Variants in CRYZL1 observed in about 807,000 individuals in gnomAD.
CRYZL1 encodes the protein crystallin zeta like 1, also known as ferry endosomal RAB5 effector complex subunit 4.
CRYZL1 carries 34 observed loss-of-function variants against 50.6 expected under a neutral mutation model. The observed-to-expected ratio is 0.67, with a 90% CI of 0.51 to 0.89. The LOEUF (loss-of-function observed/expected upper bound fraction) is 0.89. CRYZL1 is among the 40% of genes least tolerant of loss of function. CRYZL1 has a pLI of 0.00. For synonymous variants in CRYZL1, 125 were observed against 134.3 expected (o/e 0.93, Z 0.48); for missense variants, 354 against 402.3 (o/e 0.88, Z 1.03).
chr21:33,618,811 C>G (rs1293658645), intron 4 of CRYZL1, among the ~76,000 whole-genome samples: 3 of 152,122 alleles, frequency 2.0e-5, no homozygotes, highest in African/African-American at 2.4e-5. Context: ...CACTCTGACT[C>G]TTTTTTTCTT....
chr21:33,629,485 A>T (rs1484954595), intron 2 of CRYZL1, among the ~76,000 whole-genome samples: 2 of 151,702 alleles, frequency 1.3e-5, no homozygotes, highest in African/African-American at 4.8e-5. Flanking sequence ...CTGGTCTTGA[A>T]CTCTTGAGCT....
chr21:33,625,690 C>T (rs2087053853), intron 2 of CRYZL1, among the ~76,000 whole-genome samples: 1 of 151,718 alleles, frequency 6.6e-6, no homozygotes, highest in Admixed American at 6.6e-5. Flanking sequence ...TGCTATGTTG[C>T]CCAGGCTGGT....
intron 2 of CRYZL1, among the ~76,000 whole-genome samples, chr21:33,627,686 T>C (rs2087083284): frequency 6.6e-6 from 1 of 151,628 alleles, no homozygotes; most frequent in South Asian, 2.1e-4. Context: ...CTCTCTGAAA[T>C]GTGTATGGAA....
intron 4 of CRYZL1, among the ~76,000 whole-genome samples, chr21:33,620,752 T>A (rs1216668442): frequency 6.6e-6 from 1 of 151,572 alleles, no homozygotes; most frequent in East Asian, 1.9e-4. Flanking sequence ...GAGGTTGCAG[T>A]GGAGCAGACA....
At chr21:33,619,572 T>G (rs2086971847) in intron 4 of CRYZL1, among the ~76,000 whole-genome samples, 1 of 152,162 alleles carries the variant, frequency 6.6e-6, no homozygotes. Flanking sequence ...CTTTTTCTTT[T>G]TTTTCTTTTG....
chr21:33,600,296 CAG>C (rs2086737733), intron 8 of CRYZL1, among the ~76,000 whole-genome samples: 1 of 152,146 alleles, frequency 6.6e-6, no homozygotes, highest in African/African-American at 2.4e-5. Flanking sequence ...AAAAATTAAA[CAG>C]ATTTTAATTG....
intron 2 of CRYZL1, among the ~76,000 whole-genome samples, chr21:33,631,213 C>A (rs1164445087): frequency 2.6e-5 from 4 of 152,194 alleles, no homozygotes; most frequent in Non-Finnish European, 4.4e-5. Flanking sequence ...TTGATCATTA[C>A]ATAATTTATA....
At chr21:33,592,435 C>T (rs923859338) in intron 11 of CRYZL1, among the ~76,000 whole-genome samples, 1 of 152,132 alleles carries the variant, frequency 6.6e-6, no homozygotes, top group African/African-American at 2.4e-5. Flanking sequence ...CTGCCCCCAG[C>T]CTCCAAATAT....
chr21:33,636,837 C>G (rs2087212024), intron 1 of CRYZL1, among the ~76,000 whole-genome samples: 1 of 152,158 alleles, frequency 6.6e-6, no homozygotes, highest in African/African-American at 2.4e-5. Flanking sequence ...TAGACAGTTT[C>G]ACTCTGTCGC....
At position 33,631,480 on chromosome 21, in the gene CRYZL1, T is replaced by C; in HGVS notation, c.66+6A>G. On this transcript the variant is annotated splice_donor_region_variant and intron_variant, in intron 2 of 12. Transcript: ENST00000381554. ...ACTACTTTAATGATTAAACATTTTT[T>C]CTTACCTTTTCTTGAAATACAAATG... is the stretch of plus-strand genomic sequence containing the variant. 1 of 1,508,974 alleles carries C rather than the reference T, an allele frequency of 6.6e-7. No individual in the cohort carries two copies. Among genetic ancestry groups the C allele is most frequent in the Non-Finnish European group, 8.9e-7 (1 of 1,129,626 alleles). 93.5% of individuals were successfully genotyped at this position (1,508,974 alleles called of 1,614,324 possible).
chr21:33,641,049 G>A (rs2087304993), intron 1 of CRYZL1: 1 of 1,338,530 alleles, frequency 7.5e-7, no homozygotes, highest in Non-Finnish European at 9.6e-7. Context: ...TAAGGGACTC[G>A]CATTATATTT....
In CRYZL1 at chr21:33,589,687, T is replaced by C; in HGVS notation, c.*135A>G. 1.6e-6 allele frequency: 1 copy of C among 626,830 alleles called. No homozygotes were observed. Among genetic ancestry groups the C allele is most frequent in the South Asian group, 2.0e-5 (1 of 50,546 alleles). The allele number at this position is 626,830 out of a possible 1,614,324, so 38.8% of individuals were successfully genotyped here. ...TTTCAAATGTGTCAACTGAGCATCTTGTCTTAGCAGAGAAACGTGCTTAAA... is the reference window on the plus strand; with the variant it reads ...TTTCAAATGTGTCAACTGAGCATCTCGTCTTAGCAGAGAAACGTGCTTAAA... On this transcript the variant is annotated 3_prime_UTR_variant, in exon 13 of 13. Transcript: ENST00000381554.
intron 10 of CRYZL1, among the ~76,000 whole-genome samples, chr21:33,596,666 T>A (rs541692722): frequency 7.3e-5 from 11 of 151,496 alleles, no homozygotes; most frequent in South Asian, 2.1e-4. Flanking sequence ...AAAAATAAAA[T>A]AAAATAAATT....
intron 11 of CRYZL1, chr21:33,594,437 G>GC (rs1282085834): frequency 2.0e-5 from 3 of 151,888 alleles, no homozygotes; most frequent in Non-Finnish European, 2.9e-5. Context: ...TGGGATTACA[G>GC]GCATGAGCCA....
chr21:33,596,858 G>T (rs1430465555), intron 10 of CRYZL1, among the ~76,000 whole-genome samples: 5 of 150,512 alleles, frequency 3.3e-5, no homozygotes, highest in African/African-American at 1.2e-4. Context: ...TTATTTTTCA[G>T]ATTTTTTTCT....
At chr21:33,593,459 C>T (rs2086663173) in intron 11 of CRYZL1, among the ~76,000 whole-genome samples, 1 of 152,146 alleles carries the variant, frequency 6.6e-6, no homozygotes, top group Non-Finnish European at 1.5e-5. Flanking sequence ...ATTCACATCC[C>T]TGCAAGTTCC....
At chr21:33,596,010 G>C in intron 10 of CRYZL1, 174 bp from the exon 11 acceptor site, 1 of 623,454 alleles carries the variant, frequency 1.6e-6, no homozygotes, top group Non-Finnish European at 2.9e-6. Flanking sequence ...GGTCCAAAAT[G>C]ATGAAACAGC....
At position 33,621,945 on chromosome 21, in the gene CRYZL1, A is replaced by G. The variant is rs2145948441; in HGVS notation, c.217+51T>C. ...CCAGTAAACCAATTAGCTACATTTA[A>G]TCTCTTTTACCTTAGAAAATAAATA... is the stretch of plus-strand genomic sequence containing the variant. On this transcript the variant is annotated intron_variant, in intron 4 of 12. Transcript: ENST00000381554. 2 of 1,284,106 alleles carry G rather than the reference A, an allele frequency of 1.6e-6. 1 individual carries two copies. The allele number at this position is 1,284,106 out of a possible 1,614,324, so 79.5% of individuals were successfully genotyped here.
intron 8 of CRYZL1, among the ~76,000 whole-genome samples, chr21:33,599,569 A>G (rs1233738925): frequency 1.3e-5 from 2 of 152,292 alleles, no homozygotes; most frequent in Middle Eastern, 3.4e-3. Context: ...ATATGTTGCC[A>G]GAATTAGGAA....
Sources: gnomAD v4.1 joint callset for allele counts (sites outside exome capture counted in the v4.1 genomes callset) on GRCh38, gnomAD v4.1.1 for gene constraint, MANE v1.5 for transcripts, NCBI Gene and HGNC (gene_info 2026-07-23, HGNC 2026-07-21) for gene names.